Variants in BNC2 observed in about 807,000 individuals in gnomAD.
BNC2 encodes the protein zinc finger protein basonuclin-2.
Under a neutral mutation model 76.3 loss-of-function variants are expected in BNC2, and 20 were observed. The observed-to-expected ratio is 0.26, with a 90% CI of 0.18 to 0.38. The LOEUF is 0.38. Among genes scored for constraint, BNC2 ranks in the 10% least tolerant of loss-of-function variants. The pLI is 1.00. For synonymous variants in BNC2, 582 were observed against 514.8 expected, an observed-to-expected ratio of 1.13 and a Z score of -1.77; for missense variants, 1,382 against 1,399.8, an observed-to-expected ratio of 0.99 and a Z score of 0.20.
chr9:16,756,897 A>G (rs904779169), intron 1 of BNC2, among the ~76,000 whole-genome samples: 11 of 151,960 alleles, frequency 7.2e-5, no homozygotes, highest in Non-Finnish European at 1.3e-4. Context: ...AGGCTGAGGC[A>G]GGAGAATGGC....
In BNC2 at chr9:16,688,358, C is replaced by T. The variant is rs193013617; in HGVS notation, c.330+39439G>A. Among the ~76,000 whole-genome samples, 272 of 152,278 alleles carry T rather than the reference C, an allele frequency of 1.8e-3. 2 individuals carry two copies. Among genetic ancestry groups the T allele is most frequent in the Middle Eastern group, 0.017 (5 of 294 alleles). On this transcript the variant is annotated intron_variant, in intron 3 of 6. Coordinates refer to ENST00000380672, the MANE Select transcript of BNC2 (RefSeq NM_017637.6). ...AGAAGCCTCAGAAGTTAGCCAGCCA[C>T]AAGCAATCAAAAAATGATTGAAGAA...
intron 5 of BNC2, among the ~76,000 whole-genome samples, chr9:16,514,490 AT>A (rs200978023): frequency 1.4e-5 from 2 of 147,558 alleles, no homozygotes; most frequent in African/African-American, 2.7e-5. Flanking sequence ...AATTGTTTAG[AT>A]TTTTTTTTAA....
chr9:16,424,247 A>G (rs976506988), intron 6 of BNC2, among the ~76,000 whole-genome samples: 1 of 151,804 alleles, frequency 6.6e-6, no homozygotes, highest in East Asian at 1.9e-4. Context: ...GCTTTAAGAT[A>G]TCGGGGAGAC....
chr9:16,655,792 T>G lies in BNC2; in HGVS notation c.330+72005A>C, dbSNP rs144664263. 3.3e-3 allele frequency among the ~76,000 whole-genome samples: 499 copies of G among 152,288 alleles called. 3 individuals are homozygous for G. The highest frequency in any genetic ancestry group is 0.011 in the African/African-American group (466 of 41,544). On this transcript the variant is annotated intron_variant, in intron 3 of 6. Transcript: ENST00000380672. ...ATTCTCCACAATTGCTGACTTTCCT[T>G]TCTCATTTGTCTAGAGCAGCAGCGA...
intron 6 of BNC2, among the ~76,000 whole-genome samples, chr9:16,425,171 T>G (rs960328665): frequency 1.3e-5 from 2 of 152,142 alleles, no homozygotes; most frequent in African/African-American, 4.8e-5. Context: ...CCTTTCAATA[T>G]AAAACAAATC....
At chr9:16,578,957 T>C (rs1260935117) in intron 4 of BNC2, among the ~76,000 whole-genome samples, 2 of 152,120 alleles carry the variant, frequency 1.3e-5, no homozygotes, top group East Asian at 3.9e-4. Flanking sequence ...TCAACTAAAT[T>C]ATTACAGACT....
intron 1 of BNC2, among the ~76,000 whole-genome samples, chr9:16,758,356 T>C (rs983299755): frequency 5.4e-5 from 4 of 74,358 alleles, no homozygotes; most frequent in Admixed American, 4.6e-4. Context: ...TTCCTTTTTT[T>C]TTAGATGGAG....
chr9:16,777,723 G>A (rs1265785407), intron 1 of BNC2, among the ~76,000 whole-genome samples: 2 of 143,596 alleles, frequency 1.4e-5, no homozygotes, highest in African/African-American at 5.0e-5. Flanking sequence ...AAAAAGAACT[G>A]TTAGGATGTA....
At position 16,673,457 on chromosome 9, in the gene BNC2, C is replaced by A. The variant is rs530223661; in HGVS notation, c.330+54340G>T. 1.5e-4 allele frequency among the ~76,000 whole-genome samples: 23 copies of A among 151,436 alleles called. No homozygotes were observed. In the South Asian group the frequency reaches 4.4e-3, roughly 29 times the overall value. The stretch of plus-strand genomic sequence containing the variant: ...AAAAAAAAAAAAACACACACACACA[C>A]ACACACATACAACTGAGAGGTGGAG... On this transcript the variant is annotated intron_variant, in intron 3 of 6. Transcript: ENST00000380672.
intron 3 of BNC2, among the ~76,000 whole-genome samples, chr9:16,589,922 A>T (rs1428781000): frequency 2.6e-5 from 4 of 152,208 alleles, no homozygotes; most frequent in African/African-American, 9.6e-5. Flanking sequence ...AGTTAAGTAC[A>T]TGACCTACAT....
At chr9:16,733,900 T>C (rs1824584142) in intron 2 of BNC2, among the ~76,000 whole-genome samples, 1 of 151,626 alleles carries the variant, frequency 6.6e-6, no homozygotes, top group Non-Finnish European at 1.5e-5. Flanking sequence ...AAAAAAAAGA[T>C]TCACCTATGA....
At chr9:16,641,219 G>C (rs1821484009) in intron 3 of BNC2, among the ~76,000 whole-genome samples, 1 of 152,104 alleles carries the variant, frequency 6.6e-6, no homozygotes, top group African/African-American at 2.4e-5. Flanking sequence ...ACTATGTACA[G>C]TATGCACAGT....
At chr9:16,656,596 T>C (rs890524136) in intron 3 of BNC2, among the ~76,000 whole-genome samples, 4 of 152,208 alleles carry the variant, frequency 2.6e-5, no homozygotes, top group Non-Finnish European at 5.9e-5. Context: ...CATGCTACCA[T>C]CACCACAACC....
Position 16,410,970 on chromosome 9 carries a change from G to C in BNC2, c.*8019C>G, listed in dbSNP as rs1820447960. The C allele has an allele frequency of 1.3e-5, 2 of 152,146 alleles. No individual in the cohort carries two copies. 9.4% of individuals were successfully genotyped at this position (152,146 alleles called of 1,614,324 possible). A position where few individuals can be genotyped will look rare whatever the true frequency, so the allele number is the denominator to read the frequency against. On this transcript the variant is annotated 3_prime_UTR_variant, in exon 7 of 7. Transcript: ENST00000380672. ...CCTCATGAATCATGCTTCTCGCAGTGGCCACAGCACCGATTCACAGATGGG... is the reference window on the plus strand; with the variant it reads ...CCTCATGAATCATGCTTCTCGCAGTCGCCACAGCACCGATTCACAGATGGG...
intron 1 of BNC2, among the ~76,000 whole-genome samples, chr9:16,844,357 G>A (rs776241908): frequency 1.3e-5 from 2 of 151,166 alleles, no homozygotes; most frequent in Non-Finnish European, 2.9e-5. Context: ...ACTTAAAAAC[G>A]TTAAGAAGTA....
chr9:16,836,688 G>A (rs1338530859), intron 1 of BNC2, among the ~76,000 whole-genome samples: 6 of 151,918 alleles, frequency 3.9e-5, no homozygotes, highest in South Asian at 2.1e-4. Flanking sequence ...TGCTAATCAC[G>A]AATTTTAAAG....
intron 3 of BNC2, among the ~76,000 whole-genome samples, chr9:16,712,493 A>C (rs1231725564): frequency 6.6e-6 from 1 of 152,246 alleles, no homozygotes; most frequent in Non-Finnish European, 1.5e-5. Context: ...AATGTAAATA[A>C]AACTGTTTTT....
intron 1 of BNC2, among the ~76,000 whole-genome samples, chr9:16,850,621 C>G (rs1819106043): frequency 1.3e-5 from 2 of 152,122 alleles, no homozygotes; most frequent in South Asian, 4.1e-4. Context: ...TGTAATTCCA[C>G]CACTGTGGAA....
At chr9:16,523,817 T>C (rs1368597689) in intron 5 of BNC2, among the ~76,000 whole-genome samples, 1 of 151,970 alleles carries the variant, frequency 6.6e-6, no homozygotes, top group East Asian at 1.9e-4. Flanking sequence ...TCCCAGCTAC[T>C]TGGGAGGCTG....
Sources: allele counts gnomAD v4.1 joint callset (sites outside exome capture counted in the v4.1 genomes callset), GRCh38; gene constraint gnomAD v4.1.1; transcripts MANE v1.5; gene names NCBI Gene and HGNC (gene_info 2026-07-23, HGNC 2026-07-21).